MN1: variants seen among roughly 807,000 people sequenced by gnomAD.
MN1 encodes the protein MN1 proto-oncogene, transcriptional regulator.
Under a neutral mutation model 86.9 loss-of-function variants are expected in MN1, and 19 were observed. The ratio of observed to expected loss-of-function variants is 0.22; its 90% CI spans 0.15 to 0.32. The LOEUF is 0.32. MN1 is among the 10% of genes least tolerant of loss of function. MN1 has a pLI of 1.00. For synonymous variants in MN1, 928 were observed against 849.6 expected (o/e 1.09, Z -1.60); for missense variants, 1,841 against 1,862.0 (o/e 0.99, Z 0.21).
At chr22:27,787,386 G>T (rs1016005560) in intron 1 of MN1, among the ~76,000 whole-genome samples, 5 of 152,158 alleles carry the variant, frequency 3.3e-5, no homozygotes, top group African/African-American at 1.2e-4. Context: ...AAGCATTAAG[G>T]GCTTCTGAAG....
rs117445449 is a variant in MN1, at chr22:27,771,433, C to T, written c.3782-20337G>A. ...TTGGTAGGGGGGTCTCACTATGTTG[C>T]CCAGGTTGGTCTCAAACTCCTGTCC... is the stretch of plus-strand genomic sequence containing the variant. On this transcript the variant is annotated intron_variant, in intron 1 of 1. Coordinates refer to ENST00000302326, the MANE Select transcript of MN1 (RefSeq NM_002430.3). Among the ~76,000 whole-genome samples, 1,057 of 151,798 alleles carry T rather than the reference C, an allele frequency of 7.0e-3. 5 individuals carry two copies. Among genetic ancestry groups the T allele is most frequent in the Admixed American group, 0.011 (167 of 15,244 alleles).
chr22:27,798,447 G>T lies in MN1; in HGVS notation c.2097C>A (p.Gly699=). 6.4e-7 allele frequency: 1 copy of T among 1,560,764 alleles called. No individual in the cohort carries two copies. The highest frequency in any genetic ancestry group is 8.6e-7 in the Non-Finnish European group (1 of 1,162,662). The change falls in exon 1 of 2, where the codon GGC becomes GGA. Residue 699 remains glycine (G), a synonymous_variant. Transcript: ENST00000302326. Reference sequence around the variant, plus strand: ...CTCCCAGACTGCCCCCGAACTGCAGGCCCGGTGAAGGCAGCGCGGGCACGT... The same window carrying T: ...CTCCCAGACTGCCCCCGAACTGCAGTCCCGGTGAAGGCAGCGCGGGCACGT... ...EGHVPALPSP[G]LQFGGSLGGL... is the part of the protein sequence containing the mutation.
chr22:27,799,932 G>A lies in MN1; in HGVS notation c.612C>T (p.His204=), dbSNP rs2146318303. The part of the protein sequence containing the change: ...DQSPNRAASF[H]GLPSSSGSDS... Reference sequence around the variant, plus strand: ...CGGAGCCGCTGGAGGACGGCAGGCCGTGGAAGGAGGCGGCTCGGTTAGGGC... The same window carrying A: ...CGGAGCCGCTGGAGGACGGCAGGCCATGGAAGGAGGCGGCTCGGTTAGGGC... Residue 204 remains histidine (H), a synonymous_variant, in exon 1 of 2, where the codon CAC becomes CAT. Coordinates refer to ENST00000302326, the MANE Select transcript of MN1 (RefSeq NM_002430.3). 2 of 1,603,402 alleles carry A rather than the reference G, an allele frequency of 1.2e-6. No individual in the cohort carries two copies. Among genetic ancestry groups the A allele is most frequent in the Non-Finnish European group, 1.7e-6 (2 of 1,175,896 alleles).
intron 1 of MN1, among the ~76,000 whole-genome samples, chr22:27,792,237 A>AG (rs1933220881): frequency 6.6e-6 from 1 of 150,456 alleles, no homozygotes; most frequent in African/African-American, 2.4e-5. Context: ...TCCGGTCTGA[A>AG]GGGGCCTCAC....
intron 1 of MN1, among the ~76,000 whole-genome samples, chr22:27,795,065 G>T (rs553448477): frequency 6.9e-6 from 1 of 145,762 alleles, no homozygotes; most frequent in Non-Finnish European, 1.5e-5. Flanking sequence ...TTTTAAAAAG[G>T]GGGGGAAAAA....
chr22:27,785,056 C>CCACACACACACACACACA (rs57257445), intron 1 of MN1, among the ~76,000 whole-genome samples: 43 of 144,916 alleles, frequency 3.0e-4, no homozygotes, highest in Non-Finnish European at 4.7e-4. Context: ...CTGGCATCCG[C>CCACACACACACACACACA]CACACACACA....
At position 27,799,138 on chromosome 22, in the gene MN1, C is replaced by G. The variant is rs1366960883; in HGVS notation, c.1406G>C (p.Arg469Pro). ...FDFPGSAGVDRCASWNGSMHN... is the reference protein window; with the variant it reads ...FDFPGSAGVDPCASWNGSMHN... ...CATGCTGCCGTTCCACGAAGCGCAGCGGTCCACTCCCGCGCTGCCCGGAAA... is the reference window on the plus strand; with the variant it reads ...CATGCTGCCGTTCCACGAAGCGCAGGGGTCCACTCCCGCGCTGCCCGGAAA... The change falls in exon 1 of 2, where the codon CGC becomes CCC. Residue 469 changes from arginine to proline, a missense_variant. By Grantham distance (103) the Arg-to-Pro change is moderately radical (BLOSUM62 -2). Coordinates refer to ENST00000302326, the MANE Select transcript of MN1 (RefSeq NM_002430.3). 6.2e-7 allele frequency: 1 copy of G among 1,604,826 alleles called. No homozygotes were observed. Among genetic ancestry groups the G allele is most frequent in the Non-Finnish European group, 8.5e-7 (1 of 1,173,548 alleles).
intron 1 of MN1, among the ~76,000 whole-genome samples, chr22:27,758,183 C>T (rs1324644032): frequency 2.0e-5 from 3 of 152,120 alleles, no homozygotes; most frequent in African/African-American, 7.2e-5. Flanking sequence ...GACTCCCTCT[C>T]GGGCCTCTGA....
At chr22:27,751,496 G>T (rs1255856050) in intron 1 of MN1, among the ~76,000 whole-genome samples, 1 of 152,208 alleles carries the variant, frequency 6.6e-6, no homozygotes, top group Non-Finnish European at 1.5e-5. Context: ...TTCGCCGCAT[G>T]CAGTGAAAGG....
At position 27,798,878 on chromosome 22, in the gene MN1, G is replaced by C; in HGVS notation, c.1666C>G (p.Leu556Val). ...CGCGACGCCATCTGCTTAATCATGA[G>C]GGCCGCGTTTTGGCGCTGCTGCTGC... is the stretch of plus-strand genomic sequence containing the variant. The part of the protein sequence containing the change: ...QQQQQRQNAA[L>V]MIKQMASRNQ... Residue 556 changes from leucine to valine, a missense_variant, in exon 1 of 2, where the codon CTC (leucine) becomes GTC (valine). Physicochemically the swap from Leu to Val is conservative, Grantham distance 32 (BLOSUM62 1). Transcript: ENST00000302326. 6.5e-7 allele frequency: 1 copy of C among 1,548,308 alleles called. No individual in the cohort carries two copies. Among genetic ancestry groups the C allele is most frequent in the Non-Finnish European group, 8.7e-7 (1 of 1,148,000 alleles).
At chr22:27,784,513 A>T (rs1933095248) in intron 1 of MN1, among the ~76,000 whole-genome samples, 1 of 151,722 alleles carries the variant, frequency 6.6e-6, no homozygotes, top group African/African-American at 2.4e-5. Context: ...GCTTAAAAAC[A>T]GATCAATTTT....
At chr22:27,762,131 T>C (rs535672166) in intron 1 of MN1, among the ~76,000 whole-genome samples, 53 of 152,262 alleles carry the variant, frequency 3.5e-4, no homozygotes, top group African/African-American at 1.3e-3. Flanking sequence ...CAGTGACCTG[T>C]GACAGATGCA....
At chr22:27,770,636 G>T (rs1486565773) in intron 1 of MN1, among the ~76,000 whole-genome samples, 2 of 152,160 alleles carry the variant, frequency 1.3e-5, no homozygotes, top group East Asian at 3.8e-4. Flanking sequence ...GAACTTCACA[G>T]TACAAACCTG....
At chr22:27,789,449 CAG>C (rs961217603) in intron 1 of MN1, among the ~76,000 whole-genome samples, 3 of 152,128 alleles carry the variant, frequency 2.0e-5, no homozygotes, top group Non-Finnish European at 4.4e-5. Flanking sequence ...AGATTTTCCA[CAG>C]AGAGATCAAA....
chr22:27,800,060 G>T lies in MN1; in HGVS notation c.484C>A (p.Pro162Thr), dbSNP rs1320164866. Residue 162 changes from proline to threonine, a missense_variant, in exon 1 of 2, where the codon CCT (proline) becomes ACT (threonine). Transcript: ENST00000302326. ...GGTCGCTGCGGGCCGAAGCTCTCAG[G>T]CCCCTGGCTCTCCGCCATGTGCTCA... ...GYEHMAESQGPESFGPQRPGN... is the reference protein window; with the variant it reads ...GYEHMAESQGTESFGPQRPGN... 2 of 1,600,504 alleles carry T rather than the reference G, an allele frequency of 1.2e-6. No homozygotes were observed. Among genetic ancestry groups the T allele is most frequent in the South Asian group, 2.2e-5 (2 of 90,708 alleles).
At chr22:27,758,774 C>T (rs1313642334) in intron 1 of MN1, among the ~76,000 whole-genome samples, 1 of 152,162 alleles carries the variant, frequency 6.6e-6, no homozygotes, top group Non-Finnish European at 1.5e-5. Context: ...TCAGGGCAGA[C>T]AGAAGTCACA....
At chr22:27,775,584 G>A (rs112474905) in intron 1 of MN1, among the ~76,000 whole-genome samples, 2 of 152,074 alleles carry the variant, frequency 1.3e-5, no homozygotes, top group Non-Finnish European at 2.9e-5. Flanking sequence ...CTCCTGGTCC[G>A]GAACACACCC....
intron 1 of MN1, among the ~76,000 whole-genome samples, chr22:27,771,136 A>G (rs58926727): frequency 0.014 from 2,087 of 151,380 alleles, 46 homozygotes; most frequent in African/African-American, 0.048. Context: ...CTGGCCCACC[A>G]TCTGACTTTT....
chr22:27,766,798 G>A (rs45509496), intron 1 of MN1, among the ~76,000 whole-genome samples: 2 of 152,232 alleles, frequency 1.3e-5, no homozygotes, highest in East Asian at 3.9e-4. Flanking sequence ...TGGCCCTACT[G>A]CCAAAGCCAG....
Sources: gnomAD v4.1 joint callset for allele counts (sites outside exome capture counted in the v4.1 genomes callset) on GRCh38, gnomAD v4.1.1 for gene constraint, MANE v1.5 for transcripts, NCBI Gene and HGNC (gene_info 2026-07-23, HGNC 2026-07-21) for gene names.